WDFY4: variants seen among roughly 807,000 people sequenced by gnomAD.
The protein encoded by WDFY4 is WDFY family member 4.
Under a neutral mutation model 351.9 loss-of-function variants are expected in WDFY4, and 169 were observed. The observed-to-expected ratio is 0.48, with a 90% CI of 0.42 to 0.55. WDFY4 has a LOEUF of 0.55. Ranked by LOEUF, WDFY4 falls within the 20% of genes least tolerant of loss-of-function variation. WDFY4 has a pLI of 0.00. For missense variants in WDFY4, 3,803 were observed against 3,935.6 expected, an observed-to-expected ratio of 0.97 and a Z score of 0.90; for synonymous variants, 1,622 against 1,574.6, an observed-to-expected ratio of 1.03 and a Z score of -0.71.
Position 48,720,012 on chromosome 10 carries a change from C to G in WDFY4, c.236C>G (p.Ala79Gly), listed in dbSNP as rs376502241. 6.4e-7 allele frequency: 1 copy of G among 1,551,456 alleles called. No homozygotes were observed. The highest frequency in any genetic ancestry group is 8.7e-7 in the Non-Finnish European group (1 of 1,146,864). The change falls in exon 3 of 62, where the codon GCC becomes GGC. Residue 79 changes from alanine (A) to glycine (G), a missense_variant and splice_region_variant. Coordinates refer to ENST00000325239, the MANE Select transcript of WDFY4 (RefSeq NM_001394531.1). ...LLSLLPLFLK[A>G]WEHSVGIICF... The stretch of plus-strand genomic sequence containing the variant: ...ACCAAGTCCCATCTGTTGCTTCAGG[C>G]CTGGGAACACTCCGTGGGGATCATC...
intron 23 of WDFY4, 144 bp downstream of exon 23, chr10:48,791,061 AC>A: frequency 9.6e-7 from 1 of 1,038,052 alleles, no homozygotes; most frequent in Non-Finnish European, 1.4e-6. Flanking sequence ...GGGTTCTGAG[AC>A]CAGCAACTTC....
Position 48,811,667 on chromosome 10 carries a change from T to C in WDFY4, c.5173T>C (p.Phe1725Leu). 1 of 1,551,826 alleles carries C rather than the reference T, an allele frequency of 6.4e-7. No individual in the cohort carries two copies. The highest frequency in any genetic ancestry group is 8.7e-7 in the Non-Finnish European group (1 of 1,147,024). Residue 1725 changes from phenylalanine (F) to leucine (L), a missense_variant, in exon 30 of 62, where the codon TTC becomes CTC. By Grantham distance (22) the Phe-to-Leu change is conservative. Around this residue, in one of 3 missense-constraint regions of WDFY4, gnomAD observed 3,054 missense variants for 3,148.6 expected, o/e 0.97. Coordinates refer to ENST00000325239, the MANE Select transcript of WDFY4 (RefSeq NM_001394531.1). The part of the protein sequence containing the change: ...PEVYLIVSTF[F>L]LQTPLTELMD... ...GGTCTACCTCATCGTCTCCACCTTC[T>C]TCCTGCAGACACCACTCACAGAGCT...
chr10:48,687,773 C>A (rs938576757), intron 1 of WDFY4, among the ~76,000 whole-genome samples: 1 of 146,322 alleles, frequency 6.8e-6, no homozygotes, highest in African/African-American at 2.6e-5. Flanking sequence ...TGCCACCACA[C>A]CTGGCTAATT....
intron 13 of WDFY4, among the ~76,000 whole-genome samples, chr10:48,768,711 G>C (rs1291117706): frequency 7.1e-6 from 1 of 141,520 alleles, no homozygotes; most frequent in Non-Finnish European, 1.5e-5. Flanking sequence ...TGTTGTGGGG[G>C]TGGGAGAGGA....
chr10:48,889,563 T>C (rs372756082), intron 43 of WDFY4, among the ~76,000 whole-genome samples: 3 of 152,306 alleles, frequency 2.0e-5, no homozygotes, highest in African/African-American at 7.2e-5. Flanking sequence ...AAAATTACCA[T>C]GAGAAAATGC....
At chr10:48,932,668 G>T (rs1337826165) in intron 47 of WDFY4, 1 of 150,940 alleles carries the variant, frequency 6.6e-6, no homozygotes, top group African/African-American at 2.4e-5. Context: ...GAGGGAGAGA[G>T]AGAGAAAAAA....
intron 47 of WDFY4, among the ~76,000 whole-genome samples, chr10:48,929,733 T>G (rs1474247993): frequency 1.3e-5 from 2 of 152,170 alleles, no homozygotes; most frequent in Non-Finnish European, 1.5e-5. Context: ...ATGATAAGCA[T>G]CTCAAACCCT....
chr10:48,708,806 T>G (rs1286607942), intron 1 of WDFY4, among the ~76,000 whole-genome samples: 1 of 152,144 alleles, frequency 6.6e-6, no homozygotes, highest in Admixed American at 6.5e-5. Context: ...ATTTTGAGAA[T>G]AAAATACTCT....
chr10:48,790,980 G>A (rs2066658786), intron 23 of WDFY4, 63 bp downstream of exon 23: 3 of 1,530,412 alleles, frequency 2.0e-6, no homozygotes, highest in Admixed American at 4.0e-5. Flanking sequence ...TGGGAAACAG[G>A]GACAAGCGTT....
intron 43 of WDFY4, among the ~76,000 whole-genome samples, chr10:48,879,446 T>C (rs1038208355): frequency 1.3e-5 from 2 of 152,252 alleles, no homozygotes; most frequent in Non-Finnish European, 2.9e-5. Context: ...GGTGTCTCCA[T>C]ATTGGTTCTT....
intron 51 of WDFY4, among the ~76,000 whole-genome samples, chr10:48,947,958 C>A (rs1335106121): frequency 6.6e-6 from 1 of 152,206 alleles, no homozygotes; most frequent in Non-Finnish European, 1.5e-5. Context: ...TCAGAAAAGC[C>A]TGGGTATCCC....
intron 39 of WDFY4, among the ~76,000 whole-genome samples, chr10:48,851,872 C>T (rs1357636931): frequency 2.0e-5 from 3 of 152,230 alleles, no homozygotes; most frequent in East Asian, 3.8e-4. Flanking sequence ...TCTGACTTGT[C>T]TCCTGCAGCC....
chr10:48,927,377 G>C (rs573737064), intron 47 of WDFY4, among the ~76,000 whole-genome samples: 6 of 152,148 alleles, frequency 3.9e-5, no homozygotes, highest in African/African-American at 1.4e-4. Context: ...TGGGTGGTGG[G>C]GGGAGGGGAA....
chr10:48,913,433 G>A (rs779872020), intron 47 of WDFY4: 32 of 1,613,040 alleles, frequency 2.0e-5, no homozygotes, highest in Non-Finnish European at 7.6e-6. Context: ...AATTGGGTGA[G>A]ATCAGATTGG....
At chr10:48,729,678 C>A in intron 8 of WDFY4, 89 bp downstream of exon 8, 1 of 1,467,260 alleles carries the variant, frequency 6.8e-7, no homozygotes. Context: ...TCTTTGTGTA[C>A]CTTTCAATGG....
At chr10:48,912,031 G>T (rs1418965052) in intron 47 of WDFY4, among the ~76,000 whole-genome samples, 1 of 152,180 alleles carries the variant, frequency 6.6e-6, no homozygotes, top group Non-Finnish European at 1.5e-5. Context: ...CAGCAAACTT[G>T]CCAACAACAT....
At chr10:48,783,694 T>C (rs1239456630) in intron 19 of WDFY4, among the ~76,000 whole-genome samples, 7 of 152,190 alleles carry the variant, frequency 4.6e-5, no homozygotes, top group Admixed American at 4.6e-4. Flanking sequence ...CCTCGAAGTA[T>C]AGAAAATCTT....
At chr10:48,733,539 A>T (rs2064540526) in intron 9 of WDFY4, among the ~76,000 whole-genome samples, 1 of 152,224 alleles carries the variant, frequency 6.6e-6, no homozygotes, top group East Asian at 1.9e-4. Flanking sequence ...AGGAAAATTA[A>T]GAAGGCAGGG....
chr10:48,870,309 T>G, intron 40 of WDFY4, among the ~76,000 whole-genome samples: 1 of 152,024 alleles, frequency 6.6e-6, no homozygotes, highest in Admixed American at 6.5e-5. Flanking sequence ...GGTTGGGCAG[T>G]AGGATTGTTT....
Sources: allele counts gnomAD v4.1 joint callset (sites outside exome capture counted in the v4.1 genomes callset), GRCh38; gene constraint gnomAD v4.1.1; regional missense constraint gnomAD v4.1.1; transcripts MANE v1.5; gene names NCBI Gene and HGNC (gene_info 2026-07-23, HGNC 2026-07-21).